DOCK10: variants seen among roughly 807,000 people sequenced by gnomAD.
The protein encoded by DOCK10 is dedicator of cytokinesis 10, also known as dedicator of cytokinesis protein 10.
Under a neutral mutation model 280.1 loss-of-function variants are expected in DOCK10, and 145 were observed. The observed-to-expected ratio is 0.52, with a 90% CI of 0.45 to 0.59. The LOEUF is 0.59. DOCK10 is among the 20% of genes least tolerant of loss of function. The pLI is 0.00. For missense variants in DOCK10, 2,368 were observed against 2,651.7 expected (o/e 0.89, Z 2.35); for synonymous variants, 915 against 942.2 (o/e 0.97, Z 0.53).
At chr2:224,795,945 C>T (rs1039534283) in intron 44 of DOCK10, among the ~76,000 whole-genome samples, 3 of 152,132 alleles carry the variant, frequency 2.0e-5, no homozygotes, top group African/African-American at 4.8e-5. Flanking sequence ...TAACAGATCA[C>T]ATGCTTAAAG....
intron 28 of DOCK10, among the ~76,000 whole-genome samples, chr2:224,821,757 C>A (rs1258055445): frequency 6.6e-6 from 1 of 152,048 alleles, no homozygotes; most frequent in Non-Finnish European, 1.5e-5. Context: ...ATACATAATT[C>A]TTTCTAAGTT....
chr2:224,817,776 T>C (rs1044621319), intron 29 of DOCK10, among the ~76,000 whole-genome samples: 1 of 152,220 alleles, frequency 6.6e-6, no homozygotes, highest in Admixed American at 6.5e-5. Flanking sequence ...CATAAAATCA[T>C]GTAACTCCTC....
chr2:224,961,768 G>A (rs551880089), intron 1 of DOCK10, among the ~76,000 whole-genome samples: 1 of 152,128 alleles, frequency 6.6e-6, no homozygotes, highest in Non-Finnish European at 1.5e-5. Flanking sequence ...GCCTCCCAAA[G>A]TGCTGGGATT....
At chr2:225,017,967 C>T (rs1490547560) in intron 1 of DOCK10, among the ~76,000 whole-genome samples, 2 of 152,132 alleles carry the variant, frequency 1.3e-5, no homozygotes, top group Non-Finnish European at 2.9e-5. Context: ...GCCCCCATTC[C>T]CTGCCTCTCC....
chr2:224,849,196 G>T (rs935416060), intron 19 of DOCK10, among the ~76,000 whole-genome samples: 1 of 152,120 alleles, frequency 6.6e-6, no homozygotes, highest in Non-Finnish European at 1.5e-5. Context: ...GGATGGTCTT[G>T]ATCTCCTGAC....
intron 1 of DOCK10, among the ~76,000 whole-genome samples, chr2:225,039,131 A>G (rs1322038237): frequency 6.6e-6 from 1 of 152,238 alleles, no homozygotes; most frequent in East Asian, 1.9e-4. Context: ...TTAAAAGATG[A>G]GCTTCTTATC....
intron 4 of DOCK10, among the ~76,000 whole-genome samples, chr2:224,892,514 G>A (rs1024413891): frequency 2.6e-5 from 4 of 151,944 alleles, no homozygotes; most frequent in Admixed American, 6.6e-5. Flanking sequence ...CAAAGGCCAC[G>A]TGTAGAAAGA....
At chr2:224,882,908 A>G (rs529645309) in intron 7 of DOCK10, among the ~76,000 whole-genome samples, 1 of 152,360 alleles carries the variant, frequency 6.6e-6, no homozygotes, top group Admixed American at 6.5e-5. Flanking sequence ...ATAAGCAAAT[A>G]TGTAAGAACT....
chr2:225,002,822 T>A (rs1041191306), intron 1 of DOCK10, among the ~76,000 whole-genome samples: 1 of 151,562 alleles, frequency 6.6e-6, no homozygotes, highest in Non-Finnish European at 1.5e-5. Context: ...ATCGGGCAGG[T>A]GTAAACATCC....
At chr2:224,768,219 T>G (rs1319142880) in intron 55 of DOCK10, among the ~76,000 whole-genome samples, 1 of 152,202 alleles carries the variant, frequency 6.6e-6, no homozygotes, top group East Asian at 1.9e-4. Context: ...CCTGGCCTGT[T>G]TCTATTTTTA....
At chr2:224,910,388 C>A (rs767884396) in intron 3 of DOCK10, among the ~76,000 whole-genome samples, 1 of 152,112 alleles carries the variant, frequency 6.6e-6, no homozygotes, top group Non-Finnish European at 1.5e-5. Context: ...AGGAACATAG[C>A]AATTTTATAG....
At chr2:225,005,002 G>C (rs1210631169) in intron 1 of DOCK10, among the ~76,000 whole-genome samples, 19 of 152,146 alleles carry the variant, frequency 1.2e-4, no homozygotes, top group Non-Finnish European at 1.5e-4. Context: ...TCTATAAAGA[G>C]CCTAAAATCA....
At chr2:224,928,833 A>T (rs1421494136) in intron 2 of DOCK10, among the ~76,000 whole-genome samples, 2 of 152,180 alleles carry the variant, frequency 1.3e-5, no homozygotes, top group African/African-American at 4.8e-5. Context: ...GCCCAGATGA[A>T]CTTTTAATAT....
chr2:224,981,671 T>C (rs772956150), intron 1 of DOCK10, among the ~76,000 whole-genome samples: 3 of 152,252 alleles, frequency 2.0e-5, no homozygotes, highest in African/African-American at 7.2e-5. Flanking sequence ...GAAAACACTA[T>C]GCATTCTACA....
At chr2:224,890,660 T>C (rs768028067) in intron 4 of DOCK10, among the ~76,000 whole-genome samples, 4 of 152,162 alleles carry the variant, frequency 2.6e-5, no homozygotes, top group African/African-American at 7.2e-5. Context: ...CTCAGAAGCA[T>C]TGTGCTGAGT....
chr2:224,840,921 T>C (rs1042983890), intron 23 of DOCK10, among the ~76,000 whole-genome samples: 1 of 152,166 alleles, frequency 6.6e-6, no homozygotes, highest in Non-Finnish European at 1.5e-5. Flanking sequence ...TGGAATACTA[T>C]ACAGCCTTAA....
intron 18 of DOCK10, among the ~76,000 whole-genome samples, chr2:224,850,509 C>A (rs1696660630): frequency 6.6e-6 from 1 of 152,166 alleles, no homozygotes; most frequent in African/African-American, 2.4e-5. Context: ...CCTCCCCTAG[C>A]CTATGGGTAT....
chr2:224,767,557 G>C (rs1690142675), intron 55 of DOCK10, among the ~76,000 whole-genome samples: 1 of 152,038 alleles, frequency 6.6e-6, no homozygotes, highest in South Asian at 2.1e-4. Flanking sequence ...AGATTTATAG[G>C]AGCATTGTGA....
chr2:224,932,835 T>A (rs186155606), intron 1 of DOCK10, among the ~76,000 whole-genome samples: 1 of 152,202 alleles, frequency 6.6e-6, no homozygotes, highest in African/African-American at 2.4e-5. Context: ...GGAACTTTCA[T>A]TGACATTTTA....
Sources: allele counts gnomAD v4.1 joint callset (sites outside exome capture counted in the v4.1 genomes callset), GRCh38; gene constraint gnomAD v4.1.1; transcripts MANE v1.5; gene names NCBI Gene and HGNC (gene_info 2026-07-23, HGNC 2026-07-21).